The following INTS8 variants were observed in gnomAD, a reference collection of about 807,000 sequenced individuals.
INTS8 encodes protein kaonashi-1.
A neutral mutation model predicts 138.9 loss-of-function variants in INTS8; 47 were observed. The ratio of observed to expected loss-of-function variants is 0.34; its 90% CI spans 0.27 to 0.43. The LOEUF is 0.43. INTS8 is among the 20% of genes least tolerant of loss of function. The pLI is 1.00. For synonymous variants in INTS8, 392 were observed against 400.9 expected (o/e 0.98, Z 0.27); for missense variants, 996 against 1,173.0 (o/e 0.85, Z 2.20).
chr8:94,831,369 T>G (rs1423665254), intron 5 of INTS8, among the ~76,000 whole-genome samples: 1 of 152,036 alleles, frequency 6.6e-6, no homozygotes, highest in Non-Finnish European at 1.5e-5. Context: ...CTGCCTCGCT[T>G]GGCCTCCCAA....
At chr8:94,850,139 C>G (rs767900642) in intron 12 of INTS8, 48 bp downstream of exon 12, 1 of 1,274,484 alleles carries the variant, frequency 7.8e-7, no homozygotes, top group Non-Finnish European at 1.1e-6. Context: ...TTTTGCCCCT[C>G]TATTCAAATT....
chr8:94,836,272 A>G (rs757883440), intron 6 of INTS8, among the ~76,000 whole-genome samples: 2 of 151,974 alleles, frequency 1.3e-5, no homozygotes, highest in Non-Finnish European at 2.9e-5. Flanking sequence ...TTCTAGTCAG[A>G]TTCTTTAGCC....
intron 16 of INTS8, chr8:94,860,260 T>C (rs1256648727): frequency 6.7e-6 from 1 of 148,324 alleles, no homozygotes; most frequent in Non-Finnish European, 1.5e-5. Context: ...AGTGGGTTTT[T>C]CTCACTTTCT....
chr8:94,866,438 A>T, intron 18 of INTS8: 1 of 445,158 alleles, frequency 2.2e-6, no homozygotes. Context: ...GACTACAGGC[A>T]CATGTAACCA....
chr8:94,866,411 G>C, intron 18 of INTS8: 1 of 510,280 alleles, frequency 2.0e-6, no homozygotes, highest in Non-Finnish European at 3.7e-6. Context: ...TCCTGCCTCA[G>C]CTTTCTGAGG....
At chr8:94,866,943 G>C in intron 18 of INTS8, 197 bp from the exon 19 acceptor site, 1 of 511,746 alleles carries the variant, frequency 2.0e-6, no homozygotes. Flanking sequence ...TGTAAATTAT[G>C]TGCTATGGTC....
intron 21 of INTS8, among the ~76,000 whole-genome samples, chr8:94,872,681 T>C (rs2131073427): frequency 6.6e-6 from 1 of 152,360 alleles, no homozygotes; most frequent in Admixed American, 6.5e-5. Flanking sequence ...ACTCCTCTGC[T>C]GGGTTATATG....
chr8:94,872,745 G>C (rs1816442109), intron 21 of INTS8, among the ~76,000 whole-genome samples: 1 of 152,142 alleles, frequency 6.6e-6, no homozygotes, highest in Admixed American at 6.5e-5. Context: ...TTACTCTACA[G>C]ATCAAATAAA....
chr8:94,880,929 A>G lies in INTS8; in HGVS notation c.*695A>G. 1 of 398,792 alleles carries G rather than the reference A, an allele frequency of 2.5e-6. No homozygotes were observed. Among genetic ancestry groups the G allele is most frequent in the Middle Eastern group, 6.3e-4 (1 of 1,584 alleles). The allele number at this position is 398,792 out of a possible 1,614,324, so 24.7% of individuals were successfully genotyped here. A position where few individuals can be genotyped will look rare whatever the true frequency, so the allele number is the denominator to read the frequency against. On this transcript the variant is annotated 3_prime_UTR_variant, in exon 27 of 27. Coordinates refer to ENST00000523731, the MANE Select transcript of INTS8 (RefSeq NM_017864.4). Reference sequence around the variant, plus strand: ...GCCCCAGTTAGGAAGGAGCCACAGCATTTATCTTGTTTATAATTTCTTTGG... The same window carrying G: ...GCCCCAGTTAGGAAGGAGCCACAGCGTTTATCTTGTTTATAATTTCTTTGG...
chr8:94,829,984 C>T lies in INTS8; in HGVS notation c.570+958C>T, dbSNP rs181900512. 2.1e-3 allele frequency among the ~76,000 whole-genome samples: 315 copies of T among 152,268 alleles called. 2 individuals carry two copies. Among genetic ancestry groups the T allele is most frequent in the African/African-American group, 7.4e-3 (308 of 41,546 alleles). ...CGGAGTCAGCTCACTGCAACTTCGCCTCCCTGCTTCAAGCAATTTTCCTGC... is the reference window on the plus strand; with the variant it reads ...CGGAGTCAGCTCACTGCAACTTCGCTTCCCTGCTTCAAGCAATTTTCCTGC... On this transcript the variant is annotated intron_variant, in intron 5 of 26. Transcript: ENST00000523731.
At position 94,879,910 on chromosome 8, in the gene INTS8, A is replaced by G. The variant is rs1329376633; in HGVS notation, c.2872-208A>G. The G allele has an allele frequency of 1.1e-5, 4 of 370,276 alleles. 1 individual carries two copies. Among genetic ancestry groups the G allele is most frequent in the Middle Eastern group, 1.4e-3 (2 of 1,382 alleles). 22.9% of individuals were successfully genotyped at this position (370,276 alleles called of 1,614,324 possible). A position where few individuals can be genotyped will look rare whatever the true frequency, so the allele number is the denominator to read the frequency against. ...TGCCACTTAAGTAATTCCATAAACT[A>G]TGGCTCAGCAGTCCATCTTTCCTTG... On this transcript the variant is annotated intron_variant, in intron 26 of 26. Coordinates refer to ENST00000523731, the MANE Select transcript of INTS8 (RefSeq NM_017864.4).
chr8:94,869,278 AG>A (rs1816300851), intron 20 of INTS8, among the ~76,000 whole-genome samples: 1 of 151,614 alleles, frequency 6.6e-6, no homozygotes, highest in Non-Finnish European at 1.5e-5. Flanking sequence ...CACCACGGCC[AG>A]CCCAGTTTTG....
In INTS8 at chr8:94,880,686, C is replaced by T. The variant is rs1185967694; in HGVS notation, c.*452C>T. Reference sequence around the variant, plus strand: ...TTAAGCTTTATCACTTTGACACTGTCCTTATCTCACAATGGAGGAATTTAG... The same window carrying T: ...TTAAGCTTTATCACTTTGACACTGTTCTTATCTCACAATGGAGGAATTTAG... On this transcript the variant is annotated 3_prime_UTR_variant, in exon 27 of 27. Transcript: ENST00000523731. 2 of 394,204 alleles carry T rather than the reference C, an allele frequency of 5.1e-6. No individual in the cohort carries two copies. The highest frequency in any genetic ancestry group is 8.9e-6 in the Non-Finnish European group (2 of 223,952). The allele number at this position is 394,204 out of a possible 1,614,324, so 24.4% of individuals were successfully genotyped here.
Position 94,849,192 on chromosome 8 carries a change from A to G in INTS8, c.1261-270A>G, listed in dbSNP as rs540766526. On this transcript the variant is annotated intron_variant, in intron 10 of 26. Transcript: ENST00000523731. The stretch of plus-strand genomic sequence containing the variant: ...TATAATTTGGCAACATAGTTGATAA[A>G]TTCTGTGAGAACTGTATAGCATGGT... 6.6e-5 allele frequency among the ~76,000 whole-genome samples: 10 copies of G among 152,290 alleles called. No homozygotes were observed. In the South Asian group the frequency reaches 2.1e-3, roughly 32 times the overall value.
chr8:94,879,394 G>A (rs1302385160), intron 26 of INTS8, among the ~76,000 whole-genome samples: 1 of 152,058 alleles, frequency 6.6e-6, no homozygotes, highest in Non-Finnish European at 1.5e-5. Flanking sequence ...AGGAGTTTGA[G>A]AGCAGCCTGG....
rs566246991 is a variant in INTS8, at chr8:94,859,804, G to T, written c.2076+172G>T. On this transcript the variant is annotated intron_variant, in intron 16 of 26. Coordinates refer to ENST00000523731, the MANE Select transcript of INTS8 (RefSeq NM_017864.4). ...TTTGATAATTCATGCACTTGACCTTGTTCTAATATTTCTTTCTAATGCCCT... is the reference window on the plus strand; with the variant it reads ...TTTGATAATTCATGCACTTGACCTTTTTCTAATATTTCTTTCTAATGCCCT... The T allele has an allele frequency of 2.2e-3, 1,258 of 560,148 alleles. 2 individuals carry two copies. The highest frequency in any genetic ancestry group is 3.5e-3 in the Non-Finnish European group (1,111 of 317,494). The allele number at this position is 560,148 out of a possible 1,614,324, so 34.7% of individuals were successfully genotyped here. A position where few individuals can be genotyped will look rare whatever the true frequency, so the allele number is the denominator to read the frequency against.
chr8:94,862,237 C>T (rs1269131062), intron 16 of INTS8, among the ~76,000 whole-genome samples: 4 of 152,170 alleles, frequency 2.6e-5, no homozygotes, highest in Non-Finnish European at 5.9e-5. Context: ...CCACCGTGCC[C>T]GACCTGAATC....
At chr8:94,861,516 C>T (rs1192594350) in intron 16 of INTS8, among the ~76,000 whole-genome samples, 1 of 151,940 alleles carries the variant, frequency 6.6e-6, no homozygotes, top group Non-Finnish European at 1.5e-5. Flanking sequence ...CCGCCTTGGC[C>T]TCCCAAAGTG....
chr8:94,879,250 T>C (rs867014618), intron 26 of INTS8, among the ~76,000 whole-genome samples: 3 of 152,178 alleles, frequency 2.0e-5, no homozygotes, highest in African/African-American at 7.2e-5. Flanking sequence ...GACGATCATA[T>C]CTGAATAGTC....
Sources: allele counts gnomAD v4.1 joint callset (sites outside exome capture counted in the v4.1 genomes callset), GRCh38; gene constraint gnomAD v4.1.1; transcripts MANE v1.5; gene names NCBI Gene and HGNC (gene_info 2026-07-23, HGNC 2026-07-21).